The following PARD3B variants were observed in gnomAD, a reference collection of about 807,000 sequenced individuals.
PARD3B encodes the protein par-3 family cell polarity regulator beta.
PARD3B carries 103 observed loss-of-function variants against 130.2 expected under a neutral mutation model. The ratio of observed to expected loss-of-function variants is 0.79; its 90% CI spans 0.67 to 0.93. The LOEUF (loss-of-function observed/expected upper bound fraction) is 0.93. PARD3B is among the 40% of genes least tolerant of loss of function. The pLI is 0.00. For missense variants in PARD3B, 1,609 were observed against 1,499.2 expected, an observed-to-expected ratio of 1.07 and a Z score of -1.21; for synonymous variants, 583 against 553.2, an observed-to-expected ratio of 1.05 and a Z score of -0.76.
intron 2 of PARD3B, among the ~76,000 whole-genome samples, chr2:204,773,181 A>G (rs1408895661): frequency 6.6e-6 from 1 of 151,944 alleles, no homozygotes; most frequent in Non-Finnish European, 1.5e-5. Flanking sequence ...TTACTTTTAA[A>G]TATATCAGTG....
chr2:205,254,726 C>T lies in PARD3B; in HGVS notation c.2185+8904C>T, dbSNP rs928705131. Reference sequence around the variant, plus strand: ...TCGCCCAGACTGGAGTGCAGTGGCGCGATCTCGGCTCACTGCAGGCTCCGC... The same window carrying T: ...TCGCCCAGACTGGAGTGCAGTGGCGTGATCTCGGCTCACTGCAGGCTCCGC... On this transcript the variant is annotated intron_variant, in intron 16 of 22. Transcript: ENST00000406610. Among the ~76,000 whole-genome samples the T allele has an allele frequency of 3.3e-5, 5 of 150,446 alleles. No individual in the cohort carries two copies. In the South Asian group the frequency reaches 8.4e-4, roughly 25 times the overall value.
chr2:204,751,909 C>T (rs2125389180), intron 2 of PARD3B, among the ~76,000 whole-genome samples: 1 of 152,214 alleles, frequency 6.6e-6, no homozygotes, highest in East Asian at 1.9e-4. Context: ...AACAGGAGAA[C>T]TCTGTGTTGG....
intron 3 of PARD3B, among the ~76,000 whole-genome samples, chr2:205,005,946 T>C (rs1277182508): frequency 6.6e-6 from 1 of 152,154 alleles, no homozygotes; most frequent in Non-Finnish European, 1.5e-5. Context: ...GTGTAGTCTG[T>C]TGTCTCTCAC....
chr2:205,260,739 G>A (rs2040272132), intron 16 of PARD3B, among the ~76,000 whole-genome samples: 1 of 152,078 alleles, frequency 6.6e-6, no homozygotes, highest in South Asian at 2.1e-4. Flanking sequence ...AAGGAATATG[G>A]TGATTTTTTT....
rs890676445 is a variant in PARD3B at position 204,997,690 on chromosome 2, T to G, written c.394+32367T>G. Reference sequence around the variant, plus strand: ...GACTATTCTTTTCAAATTATTTTATTTTTTTACTAATTCTTATACTTGTCC... The same window carrying G: ...GACTATTCTTTTCAAATTATTTTATGTTTTTACTAATTCTTATACTTGTCC... On this transcript the variant is annotated intron_variant, in intron 3 of 22. Transcript: ENST00000406610. Among the ~76,000 whole-genome samples, 4 of 152,120 alleles carry G rather than the reference T, an allele frequency of 2.6e-5. No homozygotes were observed. In the East Asian group the frequency reaches 5.8e-4, roughly 22 times the overall value.
chr2:204,802,697 T>C (rs752273117), intron 2 of PARD3B, among the ~76,000 whole-genome samples: 2 of 152,132 alleles, frequency 1.3e-5, no homozygotes, highest in Non-Finnish European at 1.5e-5. Flanking sequence ...TGCAGGGACA[T>C]GGATGAAGCT....
At chr2:204,723,609 T>C (rs1390767229) in intron 2 of PARD3B, among the ~76,000 whole-genome samples, 1 of 152,110 alleles carries the variant, frequency 6.6e-6, no homozygotes, top group Non-Finnish European at 1.5e-5. Context: ...CCACATTCTG[T>C]TTTTAAGGGA....
intron 1 of PARD3B, among the ~76,000 whole-genome samples, chr2:204,642,998 C>A (rs554466506): frequency 1.3e-5 from 2 of 150,762 alleles, no homozygotes; most frequent in African/African-American, 4.9e-5. Flanking sequence ...CCTGTAGTCC[C>A]AGCTACTCGG....
At chr2:205,498,741 A>G (rs903075697) in intron 20 of PARD3B, among the ~76,000 whole-genome samples, 1 of 152,046 alleles carries the variant, frequency 6.6e-6, no homozygotes, top group African/African-American at 2.4e-5. Flanking sequence ...TCCTCCTCTC[A>G]CTTGTCTAGC....
At chr2:205,581,277 T>TATAGATAGATAG (rs1559238191) in intron 22 of PARD3B, among the ~76,000 whole-genome samples, 3,698 of 67,480 alleles carry the variant, frequency 0.055, 154 homozygotes, top group African/African-American at 0.15. Flanking sequence ...GATAGATAGA[T>TATAGATAGATAG]ATAGATATAT....
chr2:204,881,578 C>T (rs1014398831), intron 2 of PARD3B, among the ~76,000 whole-genome samples: 5 of 151,722 alleles, frequency 3.3e-5, no homozygotes, highest in African/African-American at 1.2e-4. Context: ...TTATAGATCT[C>T]GTTCTGAAAA....
intron 2 of PARD3B, among the ~76,000 whole-genome samples, chr2:204,734,015 C>G (rs2039635087): frequency 6.6e-6 from 1 of 152,070 alleles, no homozygotes; most frequent in South Asian, 2.1e-4. Context: ...AAAATATTTG[C>G]AAAGCGTATG....
chr2:204,666,938 T>C (rs1214118635), intron 1 of PARD3B, among the ~76,000 whole-genome samples: 1 of 151,958 alleles, frequency 6.6e-6, no homozygotes, highest in Non-Finnish European at 1.5e-5. Flanking sequence ...TGAGTGAACA[T>C]TGAGGGATTT....
chr2:204,676,125 G>C (rs1170465911), intron 1 of PARD3B, among the ~76,000 whole-genome samples: 1 of 151,062 alleles, frequency 6.6e-6, no homozygotes, highest in Non-Finnish European at 1.5e-5. Flanking sequence ...TTTGGGGCGG[G>C]GGGTGGTAAT....
At position 205,288,131 on chromosome 2, in the gene PARD3B, C is replaced by T. The variant is rs1354636181; in HGVS notation, c.2186-12399C>T. Among the ~76,000 whole-genome samples the T allele has an allele frequency of 2.6e-5, 4 of 152,020 alleles. No individual in the cohort carries two copies. The highest frequency in any genetic ancestry group is 2.0e-4 in the Admixed American group (3 of 15,262). On this transcript the variant is annotated intron_variant, in intron 16 of 22. Transcript: ENST00000406610. This position sits in a 1 kb window ranked among gnomAD's most constrained non-coding sequence, Gnocchi z 4.0. ...GCTTACGAGGAGATAGCAAAGGGTC[C>T]GGCCATGACAGTCACAATGAAGCCA...
Position 205,187,712 on chromosome 2 carries a change from T to C in PARD3B, c.2024+1849T>C, listed in dbSNP as rs1003680044. Among the ~76,000 whole-genome samples, 1 of 152,198 alleles carries C rather than the reference T, an allele frequency of 6.6e-6. No individual in the cohort carries two copies. The highest frequency in any genetic ancestry group is 2.4e-5 in the African/African-American group (1 of 41,440). On this transcript the variant is annotated intron_variant, in intron 14 of 22. Transcript: ENST00000406610. The surrounding 1 kb of genome is among the most constrained non-coding windows in gnomAD (Gnocchi z 4.9). ...TTTGTGAATTGGGGAGAGAAAAAAGTTTATATTGCTCCTCGCTGCTGTAAA... is the reference window on the plus strand; with the variant it reads ...TTTGTGAATTGGGGAGAGAAAAAAGCTTATATTGCTCCTCGCTGCTGTAAA...
intron 19 of PARD3B, among the ~76,000 whole-genome samples, chr2:205,427,249 T>A (rs1375323434): frequency 6.6e-6 from 1 of 152,238 alleles, no homozygotes; most frequent in Non-Finnish European, 1.5e-5. Context: ...GACCCAGCAA[T>A]CCTGCTTCTG....
intron 2 of PARD3B, among the ~76,000 whole-genome samples, chr2:204,736,021 C>T (rs989623287): frequency 1.3e-5 from 2 of 151,960 alleles, no homozygotes; most frequent in Admixed American, 1.3e-4. Flanking sequence ...GTAGTTTACC[C>T]CCGGAAACTC....
chr2:205,391,366 T>C (rs2045854001), intron 18 of PARD3B, among the ~76,000 whole-genome samples: 2 of 152,204 alleles, frequency 1.3e-5, no homozygotes, highest in Non-Finnish European at 2.9e-5. Flanking sequence ...CCATCAGTTG[T>C]GTCTATTTAC....
Sources: allele counts gnomAD v4.1 joint callset (sites outside exome capture counted in the v4.1 genomes callset), GRCh38; gene constraint gnomAD v4.1.1; non-coding constraint Gnocchi (gnomAD v3.1); transcripts MANE v1.5; gene names NCBI Gene and HGNC (gene_info 2026-07-23, HGNC 2026-07-21).